Variants in HECW2 observed in about 807,000 individuals in gnomAD.
The protein encoded by HECW2 is HECT, C2 and WW domain containing E3 ubiquitin protein ligase 2.
In HECW2, 61 loss-of-function variants were observed where a neutral mutation model predicts 175.2. The ratio of observed to expected loss-of-function variants is 0.35; its 90% CI spans 0.28 to 0.43. The LOEUF is 0.43. Among genes scored for constraint, HECW2 ranks in the 20% least tolerant of loss-of-function variants. HECW2 has a pLI of 1.00. For missense variants in HECW2, 1,524 were observed against 2,000.5 expected (o/e 0.76, Z 4.54); for synonymous variants, 671 against 731.0 (o/e 0.92, Z 1.32).
chr2:196,479,418 A>T (rs973193303), intron 1 of HECW2, among the ~76,000 whole-genome samples: 1 of 152,214 alleles, frequency 6.6e-6, no homozygotes, highest in African/African-American at 2.4e-5. Context: ...TGCTACTGGC[A>T]TTTGGGTGGA....
At chr2:196,421,477 C>T (rs1559100834) in intron 2 of HECW2, among the ~76,000 whole-genome samples, 1 of 152,068 alleles carries the variant, frequency 6.6e-6, no homozygotes, top group Admixed American at 6.6e-5. Context: ...AAAATAATTG[C>T]ATTATAAGTA....
chr2:196,525,634 T>A (rs1180795429), intron 1 of HECW2, among the ~76,000 whole-genome samples: 1 of 148,890 alleles, frequency 6.7e-6, no homozygotes, highest in Non-Finnish European at 1.5e-5. Flanking sequence ...CCTTTCCATG[T>A]TTAGTGCTTC....
intron 20 of HECW2, among the ~76,000 whole-genome samples, chr2:196,240,836 C>T (rs921864988): frequency 1.3e-3 from 125 of 94,282 alleles, no homozygotes; most frequent in Non-Finnish European, 2.7e-3. Flanking sequence ...TCAGTTTATC[C>T]CAGAAAAAAA....
chr2:196,232,896 T>C (rs192006938), intron 21 of HECW2, among the ~76,000 whole-genome samples: 1 of 152,372 alleles, frequency 6.6e-6, no homozygotes, highest in East Asian at 1.9e-4. Flanking sequence ...TTTTATCTGC[T>C]GACTTTTAAC....
At chr2:196,334,228 A>C (rs1157941032) in intron 4 of HECW2, among the ~76,000 whole-genome samples, 196 bp downstream of exon 4, 2 of 152,162 alleles carry the variant, frequency 1.3e-5, no homozygotes, top group African/African-American at 4.8e-5. Context: ...ATCAAATCCT[A>C]TGTTTCCACT....
chr2:196,553,595 T>G (rs1689678143), intron 1 of HECW2, among the ~76,000 whole-genome samples: 1 of 152,226 alleles, frequency 6.6e-6, no homozygotes, highest in South Asian at 2.1e-4. Context: ...ATCAGGCTCC[T>G]CAGCAGGATG....
At chr2:196,441,135 A>G (rs1696028335) in intron 1 of HECW2, among the ~76,000 whole-genome samples, 1 of 152,204 alleles carries the variant, frequency 6.6e-6, no homozygotes, top group Admixed American at 6.5e-5. Flanking sequence ...CAAATACATT[A>G]AGCAAGTGTT....
intron 2 of HECW2, among the ~76,000 whole-genome samples, chr2:196,359,644 C>T (rs1230972120): frequency 2.6e-5 from 4 of 152,164 alleles, no homozygotes; most frequent in African/African-American, 4.8e-5. Context: ...ACAAAAGCAT[C>T]CTTTGGTTAG....
At chr2:196,302,160 C>A (rs1482206874) in intron 13 of HECW2, among the ~76,000 whole-genome samples, 1 of 152,132 alleles carries the variant, frequency 6.6e-6, no homozygotes, top group Non-Finnish European at 1.5e-5. Flanking sequence ...TTCCCCAATG[C>A]CTGTTTTTGT....
At position 196,473,041 on chromosome 2, in the gene HECW2, G is replaced by A. The variant is rs145040339; in HGVS notation, c.-35-39583C>T. Among the ~76,000 whole-genome samples the A allele has an allele frequency of 2.8e-4, 42 of 152,214 alleles. No individual in the cohort carries two copies. In the East Asian group the frequency reaches 7.9e-3, roughly 29 times the overall value. Reference sequence around the variant, plus strand: ...TGTAGAATCTTGTCCTGGTTAATTGGTTACCACACTCCCATAATAGATAAC... The same window carrying A: ...TGTAGAATCTTGTCCTGGTTAATTGATTACCACACTCCCATAATAGATAAC... On this transcript the variant is annotated intron_variant, in intron 1 of 28. Transcript: ENST00000644978.
intron 1 of HECW2, among the ~76,000 whole-genome samples, chr2:196,493,689 A>C (rs1420059874): frequency 6.6e-6 from 1 of 152,210 alleles, no homozygotes; most frequent in Non-Finnish European, 1.5e-5. Flanking sequence ...CCAGAGACAG[A>C]AGAGAAATAT....
At chr2:196,572,187 G>C (rs1690412403) in intron 1 of HECW2, among the ~76,000 whole-genome samples, 1 of 152,044 alleles carries the variant, frequency 6.6e-6, no homozygotes, top group Non-Finnish European at 1.5e-5. Flanking sequence ...AGAAGTTTTT[G>C]TTTTGTGTTT....
intron 2 of HECW2, among the ~76,000 whole-genome samples, chr2:196,371,838 A>G (rs991311747): frequency 1.3e-5 from 2 of 152,216 alleles, no homozygotes; most frequent in Admixed American, 1.3e-4. Flanking sequence ...TCAACTTCTC[A>G]TAATTACTTA....
At chr2:196,357,358 A>G (rs542285562) in intron 2 of HECW2, among the ~76,000 whole-genome samples, 1 of 152,146 alleles carries the variant, frequency 6.6e-6, no homozygotes, top group East Asian at 1.9e-4. Context: ...TCCTCCTCTA[A>G]GCCCTCTCCA....
chr2:196,579,299 A>AT (rs1297181630), intron 1 of HECW2, among the ~76,000 whole-genome samples: 2 of 152,108 alleles, frequency 1.3e-5, no homozygotes, highest in African/African-American at 4.8e-5. Context: ...TACACTGGAA[A>AT]ATATATATTT....
chr2:196,452,895 T>G (rs571238018), intron 1 of HECW2, among the ~76,000 whole-genome samples: 1 of 151,954 alleles, frequency 6.6e-6, no homozygotes. Context: ...ATCTTCTAAT[T>G]TGAGCAAATC....
At chr2:196,500,989 A>G (rs1687560890) in intron 1 of HECW2, among the ~76,000 whole-genome samples, 1 of 152,226 alleles carries the variant, frequency 6.6e-6, no homozygotes, top group Non-Finnish European at 1.5e-5. Context: ...AATCATTTCC[A>G]AGGCTAAAGA....
intron 25 of HECW2, 139 bp from the exon 26 acceptor site, chr2:196,220,292 AG>A (rs1687619753): frequency 1.6e-6 from 1 of 628,306 alleles, no homozygotes; most frequent in South Asian, 1.9e-5. Context: ...AAACCTGTAA[AG>A]CTCCCTACAA....
chr2:196,233,071 G>A (rs1040720267), intron 21 of HECW2, among the ~76,000 whole-genome samples: 2 of 152,194 alleles, frequency 1.3e-5, no homozygotes, highest in African/African-American at 2.4e-5. Flanking sequence ...GGTACATCAT[G>A]CCTTTGCTTC....
Sources: allele counts gnomAD v4.1 joint callset (sites outside exome capture counted in the v4.1 genomes callset), GRCh38; gene constraint gnomAD v4.1.1; transcripts MANE v1.5; gene names NCBI Gene and HGNC (gene_info 2026-07-23, HGNC 2026-07-21).